SLC13A3: variants seen among roughly 807,000 people sequenced by gnomAD.
The protein encoded by SLC13A3 is Na(+)/dicarboxylate cotransporter 3.
SLC13A3 carries 40 observed loss-of-function variants against 59.0 expected under a neutral mutation model. The ratio of observed to expected loss-of-function variants is 0.68; its 90% CI spans 0.53 to 0.88. The LOEUF (loss-of-function observed/expected upper bound fraction) is 0.88, where lower values mean the gene tolerates loss of function less well. SLC13A3 is among the 40% of genes least tolerant of loss of function. The pLI, the probability that SLC13A3 is intolerant of heterozygous loss-of-function variation, is 0.00. For missense variants in SLC13A3, 699 were observed against 783.2 expected (o/e 0.89, Z 1.28); for synonymous variants, 317 against 330.3 (o/e 0.96, Z 0.44).
chr20:46,628,194 T>C (rs556874383), intron 1 of SLC13A3, among the ~76,000 whole-genome samples: 1 of 152,300 alleles, frequency 6.6e-6, no homozygotes, highest in South Asian at 2.1e-4. Flanking sequence ...GCACTGCTCC[T>C]TTCAATTTTA....
chr20:46,563,615 G>GAGAGACA, intron 11 of SLC13A3, 64 bp from the exon 12 acceptor site: 2 of 1,425,042 alleles, frequency 1.4e-6, no homozygotes, highest in African/African-American at 1.5e-5. Flanking sequence ...ACAGCAAGAG[G>GAGAGACA]GAGAGAGAGA....
chr20:46,563,617 A>AGAGAGAGG, intron 11 of SLC13A3, 66 bp from the exon 12 acceptor site: 1 of 1,272,928 alleles, frequency 7.9e-7, no homozygotes, highest in East Asian at 2.5e-5. Flanking sequence ...AGCAAGAGGG[A>AGAGAGAGG]GAGAGAGAGA....
At chr20:46,607,765 T>C (rs1348087939) in intron 3 of SLC13A3, among the ~76,000 whole-genome samples, 1 of 152,216 alleles carries the variant, frequency 6.6e-6, no homozygotes, top group Non-Finnish European at 1.5e-5. Context: ...CCTGAGAATG[T>C]AGGCTCTGAA....
Position 46,600,003 on chromosome 20 carries a change from G to A in SLC13A3, c.576C>T (p.Pro192=), listed in dbSNP as rs2062356328. The A allele has an allele frequency of 6.3e-7, 1 of 1,590,030 alleles. No individual in the cohort carries two copies. The highest frequency in any genetic ancestry group is 8.6e-7 in the Non-Finnish European group (1 of 1,163,058). ...TGCTGGCGAGAAACTGCATCTCCGTGGGCACAGTGTGTAGGCCGTTTCTCC... is the reference window on the plus strand; with the variant it reads ...TGCTGGCGAGAAACTGCATCTCCGTAGGCACAGTGTGTAGGCCGTTTCTCC... ...AVRRNGLHTV[P]TEMQFLASTE... Residue 192 remains proline (P), a synonymous_variant, in exon 4 of 13, where the codon CCC becomes CCT. Coordinates refer to ENST00000279027, the MANE Select transcript of SLC13A3 (RefSeq NM_022829.6).
chr20:46,657,599 T>A (rs916178991), intron 1 of SLC13A3, among the ~76,000 whole-genome samples: 1 of 152,136 alleles, frequency 6.6e-6, no homozygotes, highest in Admixed American at 6.5e-5. Context: ...TCCATTAATA[T>A]CTGAGGTGGG....
chr20:46,600,957 A>G (rs2062374456), intron 3 of SLC13A3, among the ~76,000 whole-genome samples: 1 of 152,198 alleles, frequency 6.6e-6, no homozygotes, highest in South Asian at 2.1e-4. Flanking sequence ...CTGAGACCTC[A>G]AGGATAAAAT....
At chr20:46,651,759 A>C (rs2062953994), upstream of SLC13A3, among the ~76,000 whole-genome samples, 1 of 152,176 alleles carries the variant, frequency 6.6e-6, no homozygotes, top group African/African-American at 2.4e-5. Flanking sequence ...TGAGGATGAC[A>C]AGGCGAGGAT....
intron 1 of SLC13A3, among the ~76,000 whole-genome samples, chr20:46,678,249 C>G (rs1324928178): frequency 6.6e-6 from 1 of 152,218 alleles, no homozygotes; most frequent in Non-Finnish European, 1.5e-5. Context: ...GTTAGTCTGT[C>G]TCCTTCACTT....
At chr20:46,642,989 C>G (rs2062859226) in intron 1 of SLC13A3, among the ~76,000 whole-genome samples, 1 of 152,188 alleles carries the variant, frequency 6.6e-6, no homozygotes, top group Non-Finnish European at 1.5e-5. Context: ...ATCGTAGTAG[C>G]TCCTTCTTGG....
At chr20:46,660,823 A>T (rs1315280837) in intron 1 of SLC13A3, among the ~76,000 whole-genome samples, 1 of 151,510 alleles carries the variant, frequency 6.6e-6, no homozygotes, top group African/African-American at 2.4e-5. Context: ...TTTGTTCTTT[A>T]TTTTTTTCAC....
At chr20:46,581,285 C>A (rs2062134473) in intron 9 of SLC13A3, among the ~76,000 whole-genome samples, 1 of 152,194 alleles carries the variant, frequency 6.6e-6, no homozygotes, top group African/African-American at 2.4e-5. Context: ...GTGCCAGAAC[C>A]ATGGATGGGC....
At chr20:46,674,594 CGCGCGCGCGCGT>C (rs1311045167), upstream of SLC13A3, among the ~76,000 whole-genome samples, 3 of 84,270 alleles carry the variant, frequency 3.6e-5, no homozygotes, top group Non-Finnish European at 5.6e-5. Flanking sequence ...GGAGTGCGCG[CGCGCGCGCGCGT>C]GTGTGTGTGT....
chr20:46,629,998 G>C (rs1025859038), intron 1 of SLC13A3, among the ~76,000 whole-genome samples: 2 of 152,036 alleles, frequency 1.3e-5, no homozygotes, highest in African/African-American at 2.4e-5. Context: ...ATTCTTTTAA[G>C]ACCGGTTCTT....
intron 1 of SLC13A3, among the ~76,000 whole-genome samples, chr20:46,667,280 G>A (rs1282749054): frequency 6.6e-6 from 1 of 152,098 alleles, no homozygotes; most frequent in African/African-American, 2.4e-5. Context: ...ACTCCAAACT[G>A]GAAAAGGTAT....
chr20:46,642,010 G>GC (rs1475068630), intron 1 of SLC13A3, among the ~76,000 whole-genome samples: 2 of 152,074 alleles, frequency 1.3e-5, no homozygotes, highest in East Asian at 3.9e-4. Context: ...TCCTAAACCT[G>GC]CACACCCTGC....
intron 10 of SLC13A3, among the ~76,000 whole-genome samples, chr20:46,567,759 T>A (rs547019404): frequency 9.5e-4 from 145 of 152,272 alleles, no homozygotes; most frequent in Middle Eastern, 3.4e-3. Context: ...CCTCTCACCA[T>A]CAAATGCATC....
chr20:46,667,951 T>C (rs952398771), intron 1 of SLC13A3, among the ~76,000 whole-genome samples: 1 of 152,168 alleles, frequency 6.6e-6, no homozygotes, highest in Non-Finnish European at 1.5e-5. Context: ...ACTATTGTAA[T>C]TGTTTTGAGG....
intron 3 of SLC13A3, among the ~76,000 whole-genome samples, chr20:46,608,038 C>A (rs996320972): frequency 5.3e-5 from 8 of 152,154 alleles, no homozygotes; most frequent in African/African-American, 1.9e-4. Context: ...GGGAAAAGGG[C>A]AGAGTCCCAG....
At chr20:46,656,086 T>C (rs893204031), upstream of SLC13A3, among the ~76,000 whole-genome samples, 1 of 138,060 alleles carries the variant, frequency 7.2e-6, no homozygotes, top group African/African-American at 2.9e-5. Flanking sequence ...ACATATATAT[T>C]ATATATACTG....
Sources: allele counts gnomAD v4.1 joint callset (sites outside exome capture counted in the v4.1 genomes callset), GRCh38; gene constraint gnomAD v4.1.1; transcripts MANE v1.5; gene names NCBI Gene and HGNC (gene_info 2026-07-23, HGNC 2026-07-21).